HDAC4: variants seen among roughly 807,000 people sequenced by gnomAD.
HDAC4 encodes histone deacetylase A.
In HDAC4, 16 loss-of-function variants were observed where a neutral mutation model predicts 135.1. That is an observed-to-expected ratio of 0.12 (90% CI 0.08 to 0.18). The LOEUF is 0.18. HDAC4 is among the 10% of genes least tolerant of loss of function. The pLI is 1.00. For synonymous variants in HDAC4, 685 were observed against 653.4 expected (o/e 1.05, Z -0.74); for missense variants, 1,143 against 1,511.8 (o/e 0.76, Z 4.05).
chr2:239,085,447 T>C (rs1377084003), intron 19 of HDAC4, among the ~76,000 whole-genome samples: 2 of 152,224 alleles, frequency 1.3e-5, no homozygotes, highest in East Asian at 1.9e-4. Flanking sequence ...CAGGACATCC[T>C]AGACGCTGAG....
At chr2:239,142,061 C>A (rs1339032464) in intron 8 of HDAC4, among the ~76,000 whole-genome samples, 1 of 151,954 alleles carries the variant, frequency 6.6e-6, no homozygotes, top group Non-Finnish European at 1.5e-5. Context: ...TGCGGGAAGG[C>A]GTGCAGAGTG....
At chr2:239,190,147 C>T in intron 3 of HDAC4, 70 bp from the exon 4 acceptor site, 1 of 1,540,020 alleles carries the variant, frequency 6.5e-7, no homozygotes, top group South Asian at 1.2e-5. Context: ...AGAGCCCCCA[C>T]CCAACACACT....
At position 239,134,422 on chromosome 2, in the gene HDAC4, C is replaced by A; in HGVS notation, c.1117G>T (p.Ala373Ser). 6.2e-7 allele frequency: 1 copy of A among 1,613,172 alleles called. No homozygotes were observed. Among genetic ancestry groups the A allele is most frequent in the Non-Finnish European group, 8.5e-7 (1 of 1,179,714 alleles). The change falls in exon 11 of 27, where the codon GCC (alanine) becomes TCC (serine). Residue 373 changes from alanine (A) to serine (S), a missense_variant. Ala to Ser is a moderately conservative substitution (Grantham distance 99, BLOSUM62 1). Transcript: ENST00000543185. ...AGGGCGGGAAGGGTGAGTCTCTCGG[C>A]GTCCTGCTGGCCCGCCGTGCCCTGG... ...PSAGTAGQQD[A>S]ERLTLPALQQ...
chr2:239,394,465 G>A (rs1168227236), intron 1 of HDAC4, among the ~76,000 whole-genome samples: 3 of 152,214 alleles, frequency 2.0e-5, no homozygotes, highest in Non-Finnish European at 2.9e-5. Flanking sequence ...TGGGCGAAGC[G>A]GCTGGAGAAC....
At chr2:239,274,916 C>T (rs2050264181) in intron 2 of HDAC4, among the ~76,000 whole-genome samples, 2 of 152,240 alleles carry the variant, frequency 1.3e-5, no homozygotes, top group South Asian at 4.1e-4. Flanking sequence ...GGCATGGTGA[C>T]ATCTCTTTTT....
intron 7 of HDAC4, among the ~76,000 whole-genome samples, chr2:239,153,255 C>T (rs994088300): frequency 1.3e-5 from 2 of 152,222 alleles, no homozygotes; most frequent in African/African-American, 4.8e-5. Context: ...CAAAGCTTTT[C>T]ACATGTTCAC....
At chr2:239,109,242 A>T (rs746707617) in intron 14 of HDAC4, among the ~76,000 whole-genome samples, 2 of 152,226 alleles carry the variant, frequency 1.3e-5, no homozygotes, top group Non-Finnish European at 2.9e-5. Flanking sequence ...CAGGCAGGTC[A>T]CTGGCCAGGG....
intron 1 of HDAC4, among the ~76,000 whole-genome samples, chr2:239,361,285 G>A (rs1433394240): frequency 6.6e-6 from 1 of 152,164 alleles, no homozygotes; most frequent in Non-Finnish European, 1.5e-5. Context: ...ACCTCACAGG[G>A]GGCTGAAGTT....
At chr2:239,199,067 T>C (rs1037631284) in intron 3 of HDAC4, among the ~76,000 whole-genome samples, 2 of 151,826 alleles carry the variant, frequency 1.3e-5, no homozygotes, top group African/African-American at 4.8e-5. Flanking sequence ...AATTAGCTGA[T>C]GTATCTTTTA....
Position 239,262,686 on chromosome 2 carries a change from C to T in HDAC4, c.23-26022G>A, listed in dbSNP as rs1432425026. On this transcript the variant is annotated intron_variant, in intron 2 of 26. Transcript: ENST00000543185. This position sits in a 1 kb window ranked among gnomAD's most constrained non-coding sequence, Gnocchi z 4.1. ...TGCAGGGGTGGGCAGGCACCACAAG[C>T]GGGACACCCCCAAGGGTGCACACGG... Among the ~76,000 whole-genome samples the T allele has an allele frequency of 2.0e-5, 3 of 152,164 alleles. No individual in the cohort carries two copies. The highest frequency in any genetic ancestry group is 2.9e-5 in the Non-Finnish European group (2 of 68,042).
intron 24 of HDAC4, among the ~76,000 whole-genome samples, chr2:239,061,978 G>A (rs1333599865): frequency 6.6e-6 from 1 of 152,232 alleles, no homozygotes; most frequent in Non-Finnish European, 1.5e-5. Flanking sequence ...CCTCCCGGGG[G>A]CACGGGCCTG....
intron 6 of HDAC4, 130 bp from the exon 7 acceptor site, chr2:239,156,903 C>T (rs1483430183): frequency 6.7e-6 from 7 of 1,037,090 alleles, no homozygotes; most frequent in Non-Finnish European, 8.8e-6. Context: ...CACACCTTTT[C>T]CCTAGGGTCA....
At chr2:239,188,906 T>C (rs968279171) in intron 4 of HDAC4, among the ~76,000 whole-genome samples, 22 of 152,218 alleles carry the variant, frequency 1.4e-4, no homozygotes, top group African/African-American at 4.3e-4. Flanking sequence ...CTCAGTCCAG[T>C]CAACCCTGCA....
At position 239,331,037 on chromosome 2, in the gene HDAC4, C is replaced by T. The variant is rs748274450; in HGVS notation, c.22+21641G>A. ...CCCAACCTGCCTGACCTTGGCTGCCCGAAATTCGGAGTGGGGAGGAAGGCA... is the reference window on the plus strand; with the variant it reads ...CCCAACCTGCCTGACCTTGGCTGCCTGAAATTCGGAGTGGGGAGGAAGGCA... On this transcript the variant is annotated intron_variant, in intron 2 of 26. Transcript: ENST00000543185. The surrounding 1 kb of genome is among the most constrained non-coding windows in gnomAD (Gnocchi z 4.5). 7.9e-5 allele frequency among the ~76,000 whole-genome samples: 12 copies of T among 151,844 alleles called. No homozygotes were observed. Among genetic ancestry groups the T allele is most frequent in the African/African-American group, 1.5e-4 (6 of 41,132 alleles).
At chr2:239,152,156 G>C (rs1348628462) in intron 7 of HDAC4, among the ~76,000 whole-genome samples, 2 of 152,212 alleles carry the variant, frequency 1.3e-5, no homozygotes, top group African/African-American at 4.8e-5. Flanking sequence ...ACAAAACGTT[G>C]CTTGCTTTTA....
chr2:239,377,232 C>CAGG (rs35321540), intron 1 of HDAC4, among the ~76,000 whole-genome samples: 122,506 of 151,972 alleles, frequency 0.81, 49,635 homozygotes, highest in East Asian at 0.93. Context: ...TGCCCCAGCT[C>CAGG]AGGCGTCGCC....
Position 239,338,519 on chromosome 2 carries a change from G to A in HDAC4, c.22+14159C>T, listed in dbSNP as rs1306910314. The stretch of plus-strand genomic sequence containing the variant: ...ATTAAAATTGACACACTAAAAGAAC[G>A]GCTGCATCTGAGCTCAAAGTTTATT... On this transcript the variant is annotated intron_variant, in intron 2 of 26. Coordinates refer to ENST00000543185, the MANE Select transcript of HDAC4 (RefSeq NM_001378414.1). Among the ~76,000 whole-genome samples the A allele has an allele frequency of 3.3e-5, 5 of 152,190 alleles. No individual in the cohort carries two copies. The East Asian group carries it at 9.6e-4, about 29-fold the overall frequency.
chr2:239,099,086 T>C (rs1168351035), intron 16 of HDAC4, among the ~76,000 whole-genome samples: 2 of 152,232 alleles, frequency 1.3e-5, no homozygotes, highest in African/African-American at 2.4e-5. Context: ...TCTTCCTTTT[T>C]GATCATCTCT....
chr2:239,348,200 A>G (rs540107801), intron 2 of HDAC4, among the ~76,000 whole-genome samples: 6 of 147,978 alleles, frequency 4.1e-5, no homozygotes, highest in Admixed American at 4.0e-4. Context: ...CGCTGACCAC[A>G]GACACGTCCC....
Sources: gnomAD v4.1 joint callset for allele counts (sites outside exome capture counted in the v4.1 genomes callset) on GRCh38, gnomAD v4.1.1 for gene constraint, Gnocchi (gnomAD v3.1) non-coding constraint, MANE v1.5 for transcripts, NCBI Gene and HGNC (gene_info 2026-07-23, HGNC 2026-07-21) for gene names.